Variants in CFAP410 observed in about 807,000 individuals in gnomAD.
CFAP410 encodes cilia and flagella associated protein 410.
Under a neutral mutation model 25.7 loss-of-function variants are expected in CFAP410, and 27 were observed. That is an observed-to-expected ratio of 1.05 (90% CI 0.77 to 1.45). The LOEUF (loss-of-function observed/expected upper bound fraction) is 1.45. Among genes scored for constraint, CFAP410 ranks in the 40% most tolerant of loss-of-function variants. The pLI, the probability that CFAP410 is intolerant of heterozygous loss-of-function variation, is 0.00. For synonymous variants in CFAP410, 178 were observed against 158.4 expected (o/e 1.12, Z -0.93); for missense variants, 428 against 354.1 (o/e 1.21, Z -1.67).
rs200038076 is a variant in CFAP410 at position 44,335,741 on chromosome 21, C to G, written c.143+17G>C. ...CTTCCAGGCCCCAGGCTGAGCATGA[C>G]AGCAGGAGCGAGGTACCTGAGCGTG... On this transcript the variant is annotated intron_variant, in intron 3 of 6. Coordinates refer to ENST00000339818, the MANE Select transcript of CFAP410 (RefSeq NM_004928.3). The G allele has an allele frequency of 6.3e-7, 1 of 1,580,004 alleles. No individual in the cohort carries two copies.
intron 3 of CFAP410, chr21:44,334,838 A>G (rs1249124590): frequency 6.1e-6 from 1 of 163,354 alleles, no homozygotes; most frequent in Non-Finnish European, 1.3e-5. Context: ...CATGGCGGGC[A>G]GCAGGCTGGG....
intron 1 of CFAP410, chr21:44,338,259 G>A: frequency 7.8e-7 from 1 of 1,282,134 alleles, no homozygotes; most frequent in South Asian, 1.2e-5. Context: ...GACACCCCTG[G>A]GAGGAAGCGT....
chr21:44,333,626 G>A (rs2047694202), intron 3 of CFAP410: 2 of 361,216 alleles, frequency 5.5e-6, no homozygotes, highest in African/African-American at 2.1e-5. Flanking sequence ...CCAAAGCAGG[G>A]AGCGGCCAGA....
At chr21:44,335,902 C>G in intron 2 of CFAP410, 98 bp from the exon 3 acceptor site, 1 of 920,032 alleles carries the variant, frequency 1.1e-6, no homozygotes, top group Admixed American at 2.0e-5. Context: ...ACGGCCAACC[C>G]ACTTCCGGGG....
At chr21:44,333,527 C>G (rs1427783059) in intron 3 of CFAP410, 1 of 569,172 alleles carries the variant, frequency 1.8e-6, no homozygotes, top group African/African-American at 1.9e-5. Flanking sequence ...ATCAGCTCCT[C>G]AGGGCGCTAG....
Position 44,331,978 on chromosome 21 carries a change from T to G in CFAP410, c.410A>C (p.Glu137Ala). The G allele has an allele frequency of 1.2e-6, 2 of 1,612,804 alleles. No homozygotes were observed. The highest frequency in any genetic ancestry group is 1.7e-5 in the Admixed American group (1 of 59,856). ...TEEELSRALS[E>A]GEEITAAPER... ...TGGGGCCGCAGTGATCTCCTCTCCC[T>G]CACTCAGTGCACGGGACAGCTCCTC... Residue 137 changes from glutamate (E) to alanine (A), a missense_variant, in exon 5 of 7, where the codon GAG becomes GCG. Physicochemically the swap from Glu to Ala is moderately radical, Grantham distance 107 (BLOSUM62 -1). Coordinates refer to ENST00000339818, the MANE Select transcript of CFAP410 (RefSeq NM_004928.3).
intron 5 of CFAP410, 122 bp from the exon 6 acceptor site, chr21:44,331,041 C>G (rs2047638771): frequency 5.5e-6 from 5 of 910,894 alleles, no homozygotes; most frequent in Non-Finnish European, 8.1e-6. Flanking sequence ...CCACCTGGCA[C>G]ACGGGGGCAA....
intron 6 of CFAP410, 34 bp downstream of exon 6, chr21:44,330,789 A>G: frequency 6.4e-7 from 1 of 1,560,644 alleles, no homozygotes; most frequent in Middle Eastern, 1.7e-4. Context: ...CAGTGGGCAG[A>G]GGCAGCCGCG....
chr21:44,330,382 CCACAAGGGCTGGG>C, intron 6 of CFAP410, 56 bp from the exon 7 acceptor site: 1 of 1,582,414 alleles, frequency 6.3e-7, no homozygotes, highest in Non-Finnish European at 8.6e-7. Context: ...CTGCTTCCCT[CCACAAGGGCTGGG>C]GCCTGGCCAG....
intron 2 of CFAP410, among the ~76,000 whole-genome samples, chr21:44,336,286 C>T (rs1042665351): frequency 6.6e-6 from 1 of 152,206 alleles, no homozygotes; most frequent in Admixed American, 6.5e-5. Flanking sequence ...TTTACGACAG[C>T]ATCGTTGCTG....
At chr21:44,330,416 C>T (rs2047622887) in intron 6 of CFAP410, 90 bp from the exon 7 acceptor site, 47 of 1,560,596 alleles carry the variant, frequency 3.0e-5, no homozygotes, top group Non-Finnish European at 4.1e-5. Flanking sequence ...CGGTGCCCCA[C>T]CACGGAGCGA....
chr21:44,330,340 G>C lies in CFAP410; in HGVS notation c.643-14C>G, dbSNP rs758121731. 5.6e-6 allele frequency: 9 copies of C among 1,605,642 alleles called. No homozygotes were observed. Among genetic ancestry groups the C allele is most frequent in the Non-Finnish European group, 6.8e-6 (8 of 1,175,024 alleles). On this transcript the variant is annotated splice_polypyrimidine_tract_variant and intron_variant, in intron 6 of 6. Coordinates refer to ENST00000339818, the MANE Select transcript of CFAP410 (RefSeq NM_004928.3). ...AGTCAGGACGTTCTGAGGGCAGAGG[G>C]GTGCGGACTAAGCCCACCCGGCACG... is the stretch of plus-strand genomic sequence containing the variant.
intron 4 of CFAP410, 197 bp from the exon 5 acceptor site, chr21:44,332,211 C>T: frequency 1.9e-6 from 1 of 532,790 alleles, no homozygotes; most frequent in Middle Eastern, 4.4e-4. Flanking sequence ...CACAGGCTGA[C>T]ACACAACAGA....
chr21:44,330,710 C>G (rs1246976124), intron 6 of CFAP410, 113 bp downstream of exon 6: 1 of 1,549,224 alleles, frequency 6.5e-7, no homozygotes. Context: ...CTGTGAGGCT[C>G]CATGCTCCCT....
In CFAP410 at chr21:44,331,048, GC is replaced by G. The variant is rs1439280587; in HGVS notation, c.546-130del. On this transcript the variant is annotated intron_variant, in intron 5 of 6. Transcript: ENST00000339818. ...TACAAATCCCACCTGGCACACGGGG[GC>G]AAGAGAAGGGAGGCAACTCCTGGGA... The G allele has an allele frequency of 3.5e-6, 3 of 850,802 alleles. No homozygotes were observed. In the African/African-American group the frequency reaches 5.1e-5, roughly 15 times the overall value. The allele number at this position is 850,802 out of a possible 1,614,324, so 52.7% of individuals were successfully genotyped here.
intron 3 of CFAP410, chr21:44,333,635 G>C (rs1202878873): frequency 2.9e-6 from 1 of 347,308 alleles, no homozygotes; most frequent in South Asian, 4.3e-5. Flanking sequence ...GGAGCGGCCA[G>C]AAAAACTCAT....
At position 44,333,227 on chromosome 21, in the gene CFAP410, C is replaced by T. The variant is rs763314924; in HGVS notation, c.179G>A (p.Arg60Gln). ...GTACAGCTCACTCAGGCGCTGGCAC[C>T]GGCTCACAGGCTCCAGGGTGGAGAT... ...NSISTLEPVS[R>Q]CQRLSELYLR... Residue 60 changes from arginine to glutamine, a missense_variant, in exon 4 of 7, where the codon CGG (arginine) becomes CAG (glutamine). Transcript: ENST00000339818. 1.7e-5 allele frequency: 28 copies of T among 1,612,492 alleles called. No individual in the cohort carries two copies. The highest frequency in any genetic ancestry group is 1.3e-4 in the South Asian group (12 of 91,010).
intron 2 of CFAP410, 85 bp from the exon 3 acceptor site, chr21:44,335,889 G>T: frequency 9.2e-7 from 1 of 1,087,648 alleles, no homozygotes; most frequent in Non-Finnish European, 1.4e-6. Flanking sequence ...AACTGTCGAA[G>T]CCACGGCCAA....
Position 44,338,272 on chromosome 21 carries a change from G to T in CFAP410, c.78-605C>A, listed in dbSNP as rs147594889. ...CGGACACCCCTGGGAGGAAGCGTCT[G>T]CTCTCGCTGACCCCCACACCCGCCT... is the stretch of plus-strand genomic sequence containing the variant. On this transcript the variant is annotated intron_variant, in intron 1 of 6. Transcript: ENST00000339818. The T allele has an allele frequency of 7.0e-4, 905 of 1,285,282 alleles. 8 individuals are homozygous for T. The African/African-American group carries it at 0.013, about 18-fold the overall frequency. 79.6% of individuals were successfully genotyped at this position (1,285,282 alleles called of 1,614,324 possible).
Sources: allele counts gnomAD v4.1 joint callset (sites outside exome capture counted in the v4.1 genomes callset), GRCh38; gene constraint gnomAD v4.1.1; transcripts MANE v1.5; gene names NCBI Gene and HGNC (gene_info 2026-07-23, HGNC 2026-07-21).